PCBP3: variants seen among roughly 807,000 people sequenced by gnomAD.
PCBP3 encodes the protein poly(rC) binding protein 3, also known as poly(rC)-binding protein 3.
In PCBP3, 25 loss-of-function variants were observed where a neutral mutation model predicts 52.7. That is an observed-to-expected ratio of 0.47 (90% CI 0.35 to 0.66). PCBP3 has a LOEUF of 0.66. Among genes scored for constraint, PCBP3 ranks in the 30% least tolerant of loss-of-function variants. The pLI, the probability that PCBP3 is intolerant of heterozygous loss-of-function variation, is 0.01. For missense variants in PCBP3, 391 were observed against 490.3 expected (o/e 0.80, Z 1.91); for synonymous variants, 162 against 183.0 (o/e 0.89, Z 0.93).
intron 5 of PCBP3, among the ~76,000 whole-genome samples, chr21:45,892,518 C>T (rs2095702830): frequency 1.1e-5 from 1 of 88,016 alleles, no homozygotes; most frequent in Non-Finnish European, 2.2e-5. Context: ...GGGCGCAGTC[C>T]CGTCTCTCGC....
Position 45,928,026 on chromosome 21 carries a change from G to C in PCBP3, c.718-1891G>C, listed in dbSNP as rs1423971332. 6.6e-6 allele frequency among the ~76,000 whole-genome samples: 1 copy of C among 152,196 alleles called. No individual in the cohort carries two copies. The highest frequency in any genetic ancestry group is 1.5e-5 in the Non-Finnish European group (1 of 68,030). On this transcript the variant is annotated intron_variant, in intron 13 of 17. Coordinates refer to ENST00000681687, the MANE Select transcript of PCBP3 (RefSeq NM_001384156.1). The surrounding 1 kb of genome is among the most constrained non-coding windows in gnomAD (Gnocchi z 4.1). ...CCAGGAGTGTCTCACCCCGCCGTGG[G>C]CGATCTTGCCTGCAGCTCTCCTACC...
At chr21:45,862,005 C>A (rs890569957) in intron 5 of PCBP3, among the ~76,000 whole-genome samples, 1 of 152,138 alleles carries the variant, frequency 6.6e-6, no homozygotes, top group African/African-American at 2.4e-5. Context: ...ACGCTGCTTC[C>A]CCTGGAGGCC....
At chr21:45,806,280 G>T (rs183542016) in intron 4 of PCBP3, among the ~76,000 whole-genome samples, 1 of 152,276 alleles carries the variant, frequency 6.6e-6, no homozygotes, top group Non-Finnish European at 1.5e-5. Context: ...GCAGAGACTC[G>T]AGCAGGGTGG....
At chr21:45,694,812 T>C (rs2082673969) in intron 2 of PCBP3, among the ~76,000 whole-genome samples, 1 of 152,170 alleles carries the variant, frequency 6.6e-6, no homozygotes, top group South Asian at 2.1e-4. Flanking sequence ...TAAAGAATGC[T>C]TAAGTGGAGG....
intron 5 of PCBP3, among the ~76,000 whole-genome samples, chr21:45,862,203 A>G (rs2148464850): frequency 6.6e-6 from 1 of 151,876 alleles, no homozygotes; most frequent in South Asian, 2.1e-4. Flanking sequence ...GGGGACACGT[A>G]CATTTAAATC....
intron 3 of PCBP3, among the ~76,000 whole-genome samples, chr21:45,740,689 G>C (rs1010790647): frequency 1.3e-5 from 2 of 151,770 alleles, no homozygotes; most frequent in Admixed American, 6.6e-5. Flanking sequence ...GTACACATGC[G>C]TGTGTGTATG....
rs139736227 is a variant in PCBP3, at chr21:45,714,435, A to AAC, written c.-199-20941_-199-20940dup. Among the ~76,000 whole-genome samples the AAC allele has an allele frequency of 4.9e-3, 736 of 151,344 alleles. 2 individuals carry two copies. Among genetic ancestry groups the AAC allele is most frequent in the African/African-American group, 0.014 (574 of 41,336 alleles). On this transcript the variant is annotated intron_variant, in intron 2 of 17. Coordinates refer to ENST00000681687, the MANE Select transcript of PCBP3 (RefSeq NM_001384156.1). The stretch of plus-strand genomic sequence containing the variant: ...ATCCTCTAGGAAACCTGTTTCAGGG[A>AAC]ACACACACACACACACATGCATATG...
chr21:45,860,127 G>A (rs965767195), intron 5 of PCBP3, among the ~76,000 whole-genome samples: 1 of 152,016 alleles, frequency 6.6e-6, no homozygotes, highest in African/African-American at 2.4e-5. Context: ...GCTCCAGCAC[G>A]CAGCTTCAGA....
At chr21:45,742,396 A>G (rs1023495754) in intron 3 of PCBP3, among the ~76,000 whole-genome samples, 1 of 152,208 alleles carries the variant, frequency 6.6e-6, no homozygotes, top group Non-Finnish European at 1.5e-5. Context: ...CTGAACACAC[A>G]TGGCTTAGCT....
intron 15 of PCBP3, among the ~76,000 whole-genome samples, chr21:45,933,753 G>A (rs767096956): frequency 3.7e-4 from 57 of 152,096 alleles, no homozygotes; most frequent in Non-Finnish European, 4.3e-4. Flanking sequence ...GGTCCCACAG[G>A]ACCACGTCTG....
At position 45,652,516 on chromosome 21, in the gene PCBP3, C is replaced by T. The variant is rs187658437; in HGVS notation, c.-279+8648C>T. ...AGTGCAGTGGCATGATCTTGGCTCA[C>T]TGCAACCTCCTCTTTCCGGGTTCAA... is the stretch of plus-strand genomic sequence containing the variant. On this transcript the variant is annotated intron_variant, in intron 1 of 17. Coordinates refer to ENST00000681687, the MANE Select transcript of PCBP3 (RefSeq NM_001384156.1). Among the ~76,000 whole-genome samples the T allele has an allele frequency of 3.6e-3, 539 of 150,988 alleles. 1 individual carries two copies. Among genetic ancestry groups the T allele is most frequent in the Admixed American group, 5.2e-3 (79 of 15,146 alleles).
At chr21:45,869,725 G>T (rs1422655440) in intron 5 of PCBP3, among the ~76,000 whole-genome samples, 1 of 152,128 alleles carries the variant, frequency 6.6e-6, no homozygotes, top group Non-Finnish European at 1.5e-5. Context: ...TGGGGCCTGG[G>T]GAGTGTGACC....
intron 1 of PCBP3, among the ~76,000 whole-genome samples, chr21:45,662,271 G>GTTTTTTT (rs59220095): frequency 5.1e-5 from 5 of 97,270 alleles, no homozygotes; most frequent in African/African-American, 1.4e-4. Flanking sequence ...ATATACCTAA[G>GTTTTTTT]TTTTTTTTTT....
chr21:45,886,107 AG>A (rs1466366093), intron 5 of PCBP3, among the ~76,000 whole-genome samples: 24 of 92,684 alleles, frequency 2.6e-4, no homozygotes, highest in Non-Finnish European at 6.2e-4. Context: ...GGTGTGGAGG[AG>A]GCCTCATTGC....
intron 5 of PCBP3, among the ~76,000 whole-genome samples, chr21:45,894,595 T>C (rs1442770062): frequency 6.6e-6 from 1 of 152,244 alleles, no homozygotes; most frequent in Non-Finnish European, 1.5e-5. Flanking sequence ...AATGAGTCAC[T>C]GAAGCAATGG....
At chr21:45,882,582 T>A (rs1315779470) in intron 5 of PCBP3, among the ~76,000 whole-genome samples, 1 of 151,776 alleles carries the variant, frequency 6.6e-6, no homozygotes, top group Non-Finnish European at 1.5e-5. Context: ...GGGCCATATT[T>A]AAAAAAAAAT....
intron 4 of PCBP3, among the ~76,000 whole-genome samples, chr21:45,756,665 C>A (rs919636300): frequency 6.6e-6 from 1 of 152,138 alleles, no homozygotes; most frequent in African/African-American, 2.4e-5. Context: ...CGTAAAACAA[C>A]CCCAGGAGCA....
chr21:45,749,847 T>C (rs971360867), intron 3 of PCBP3: 1 of 152,210 alleles, frequency 6.6e-6, no homozygotes, highest in Non-Finnish European at 1.5e-5. Context: ...CCCCCAGTAA[T>C]GTCTTTTATA....
chr21:45,679,755 G>T (rs1056296626), intron 2 of PCBP3, among the ~76,000 whole-genome samples: 8 of 152,044 alleles, frequency 5.3e-5, no homozygotes, highest in African/African-American at 1.9e-4. Flanking sequence ...CAGTTCTTAC[G>T]AATCATGTTT....
Sources: gnomAD v4.1 joint callset for allele counts (sites outside exome capture counted in the v4.1 genomes callset) on GRCh38, gnomAD v4.1.1 for gene constraint, Gnocchi (gnomAD v3.1) non-coding constraint, MANE v1.5 for transcripts, NCBI Gene and HGNC (gene_info 2026-07-23, HGNC 2026-07-21) for gene names.